The following BTBD9 variants were observed in gnomAD, a reference collection of about 807,000 sequenced individuals.
BTBD9 encodes BTB domain containing 9, also known as BTB/POZ domain-containing protein 9.
In BTBD9, 49 loss-of-function variants were observed where a neutral mutation model predicts 64.3. That is an observed-to-expected ratio of 0.76 (90% CI 0.61 to 0.97). The LOEUF (loss-of-function observed/expected upper bound fraction) is 0.97, where lower values mean the gene tolerates loss of function less well. Among genes scored for constraint, BTBD9 ranks in the 50% least tolerant of loss-of-function variants. The probability of loss-of-function intolerance (pLI) is 0.00; values close to 1 mark genes in which losing one functional copy is unlikely to be tolerated. For synonymous variants in BTBD9, 260 were observed against 274.7 expected, an observed-to-expected ratio of 0.95 and a Z score of 0.53; for missense variants, 598 against 762.1, an observed-to-expected ratio of 0.78 and a Z score of 2.53.
intron 9 of BTBD9, among the ~76,000 whole-genome samples, chr6:38,224,743 A>G (rs1763332364): frequency 6.6e-6 from 1 of 152,196 alleles, no homozygotes; most frequent in Admixed American, 6.5e-5. Flanking sequence ...TCCACTTCTA[A>G]TTTTCATAAT....
At chr6:38,556,859 A>C (rs1191864091) in intron 6 of BTBD9, among the ~76,000 whole-genome samples, 1 of 150,976 alleles carries the variant, frequency 6.6e-6, no homozygotes, top group Non-Finnish European at 1.5e-5. Context: ...TCTACTAAAA[A>C]TACAAAAATT....
chr6:38,495,748 C>T (rs976767973), intron 6 of BTBD9, among the ~76,000 whole-genome samples: 1 of 93,958 alleles, frequency 1.1e-5, no homozygotes, highest in Admixed American at 1.6e-4. Flanking sequence ...CTCAAATGAC[C>T]GTGCAGGTGC....
chr6:38,258,972 T>C (rs1007546807), intron 8 of BTBD9, among the ~76,000 whole-genome samples: 2 of 152,248 alleles, frequency 1.3e-5, no homozygotes, highest in African/African-American at 2.4e-5. Flanking sequence ...TATTAGGCCC[T>C]ATGTTAAGTG....
At chr6:38,405,691 A>G (rs1767131113) in intron 6 of BTBD9, among the ~76,000 whole-genome samples, 1 of 152,098 alleles carries the variant, frequency 6.6e-6, no homozygotes, top group East Asian at 1.9e-4. Flanking sequence ...CCTTCAAATT[A>G]TTTTATCCAT....
intron 6 of BTBD9, among the ~76,000 whole-genome samples, chr6:38,448,178 A>C (rs924617506): frequency 6.6e-6 from 1 of 152,160 alleles, no homozygotes; most frequent in African/African-American, 2.4e-5. Flanking sequence ...AATTCTCCAC[A>C]ATAGTGTATC....
intron 1 of BTBD9, among the ~76,000 whole-genome samples, chr6:38,602,887 G>A (rs1364186126): frequency 6.6e-6 from 1 of 152,002 alleles, no homozygotes; most frequent in Non-Finnish European, 1.5e-5. Context: ...ACTAAGACAG[G>A]TAAATCAGAT....
intron 6 of BTBD9, among the ~76,000 whole-genome samples, chr6:38,424,676 C>G (rs868332313): frequency 6.6e-6 from 1 of 151,206 alleles, no homozygotes. Flanking sequence ...ACCACCACGC[C>G]GGGCTTATTT....
At chr6:38,300,166 G>A (rs1561992807) in intron 7 of BTBD9, among the ~76,000 whole-genome samples, 1 of 152,154 alleles carries the variant, frequency 6.6e-6, no homozygotes, top group African/African-American at 2.4e-5. Context: ...TCAGATAGTT[G>A]TAGATATGCA....
chr6:38,207,068 GGAA>G (rs1187974273), intron 9 of BTBD9, among the ~76,000 whole-genome samples: 3 of 152,202 alleles, frequency 2.0e-5, no homozygotes, highest in African/African-American at 4.8e-5. Flanking sequence ...TGCAGCATAG[GGAA>G]GAAGAATAGG....
chr6:38,335,499 T>A (rs751978023), intron 7 of BTBD9, among the ~76,000 whole-genome samples: 13 of 152,016 alleles, frequency 8.6e-5, no homozygotes, highest in Non-Finnish European at 1.6e-4. Context: ...GCAATCCGCC[T>A]GCTTTAGCTT....
chr6:38,328,254 C>A (rs1763517776), intron 7 of BTBD9, among the ~76,000 whole-genome samples: 1 of 152,042 alleles, frequency 6.6e-6, no homozygotes, highest in Non-Finnish European at 1.5e-5. Flanking sequence ...CTGTGTCCTC[C>A]CAGAATTCAT....
intron 6 of BTBD9, among the ~76,000 whole-genome samples, chr6:38,361,361 T>G (rs973472761): frequency 5.9e-5 from 9 of 151,396 alleles, no homozygotes; most frequent in African/African-American, 1.9e-4. Flanking sequence ...CTGGGTAACA[T>G]AGCAAGACCC....
chr6:38,499,247 A>G (rs1403087191), intron 6 of BTBD9, among the ~76,000 whole-genome samples: 1 of 152,130 alleles, frequency 6.6e-6, no homozygotes, highest in African/African-American at 2.4e-5. Flanking sequence ...AGTCTCAGAA[A>G]ACACTGCTCA....
intron 9 of BTBD9, among the ~76,000 whole-genome samples, chr6:38,212,662 T>C (rs967150775): frequency 6.6e-6 from 1 of 152,216 alleles, no homozygotes; most frequent in South Asian, 2.1e-4. Context: ...AGGGAGAAAA[T>C]TCAGTCTGCT....
intron 6 of BTBD9, among the ~76,000 whole-genome samples, chr6:38,515,721 G>A (rs1772996061): frequency 6.6e-6 from 1 of 152,092 alleles, no homozygotes; most frequent in Non-Finnish European, 1.5e-5. Context: ...ATTATTCTTG[G>A]TTTAGACAAA....
chr6:38,579,200 C>A (rs540707156), intron 5 of BTBD9, among the ~76,000 whole-genome samples: 1 of 152,208 alleles, frequency 6.6e-6, no homozygotes. Context: ...GAAATGCTGA[C>A]TCACACTTCA....
chr6:38,409,924 G>T (rs1052346266), intron 6 of BTBD9, among the ~76,000 whole-genome samples: 1 of 152,002 alleles, frequency 6.6e-6, no homozygotes, highest in African/African-American at 2.4e-5. Flanking sequence ...CAAAAACAAG[G>T]CATAATTCGA....
rs373917416 is a variant in BTBD9 at position 38,401,777 on chromosome 6, C to T, written c.1155-56684G>A. ...GCTCTGCCACTGATTTATCGTAGGA[C>T]TATGGACAAGGATTCTTCATTGTAA... On this transcript the variant is annotated intron_variant, in intron 6 of 10. Transcript: ENST00000481247. Among the ~76,000 whole-genome samples the T allele has an allele frequency of 1.9e-3, 287 of 152,266 alleles. 1 individual carries two copies. The highest frequency in any genetic ancestry group is 6.5e-3 in the African/African-American group (270 of 41,542).
At chr6:38,548,661 T>C (rs1774664969) in intron 6 of BTBD9, among the ~76,000 whole-genome samples, 1 of 152,082 alleles carries the variant, frequency 6.6e-6, no homozygotes, top group African/African-American at 2.4e-5. Flanking sequence ...AGAAGTGAGG[T>C]CCATACATAA....
Sources: gnomAD v4.1 joint callset for allele counts (sites outside exome capture counted in the v4.1 genomes callset) on GRCh38, gnomAD v4.1.1 for gene constraint, MANE v1.5 for transcripts, NCBI Gene and HGNC (gene_info 2026-07-23, HGNC 2026-07-21) for gene names.